CACNA1C: variants seen among roughly 807,000 people sequenced by gnomAD.
The protein encoded by CACNA1C is calcium voltage-gated channel subunit alpha1 C, also known as voltage-dependent L-type calcium channel subunit alpha-1C.
Under a neutral mutation model 229.0 loss-of-function variants are expected in CACNA1C, and 30 were observed. The observed-to-expected ratio is 0.13, with a 90% CI of 0.10 to 0.18. The LOEUF is 0.18. CACNA1C is among the 10% of genes least tolerant of loss of function. The pLI, the probability that CACNA1C is intolerant of heterozygous loss-of-function variation, is 1.00. For synonymous variants in CACNA1C, 1,114 were observed against 1,132.5 expected, an observed-to-expected ratio of 0.98 and a Z score of 0.33; for missense variants, 1,658 against 2,845.0, an observed-to-expected ratio of 0.58 and a Z score of 9.49.
At chr12:2,289,917 A>C (rs1366610211) in intron 3 of CACNA1C, among the ~76,000 whole-genome samples, 1 of 152,214 alleles carries the variant, frequency 6.6e-6, no homozygotes, top group Non-Finnish European at 1.5e-5. Flanking sequence ...TTGGAGGATC[A>C]CCTGGCCTAA....
intron 5 of CACNA1C, among the ~76,000 whole-genome samples, chr12:2,470,245 C>T (rs1434589688): frequency 6.6e-6 from 1 of 152,178 alleles, no homozygotes; most frequent in East Asian, 1.9e-4. Context: ...TCACAAGAGA[C>T]AAGAGGGCTT....
chr12:2,489,063 G>A (rs1179089171), intron 6 of CACNA1C, among the ~76,000 whole-genome samples: 2 of 152,180 alleles, frequency 1.3e-5, no homozygotes, highest in Non-Finnish European at 2.9e-5. Context: ...GTGTTTTGGA[G>A]AGTTTTATAT....
chr12:2,617,234 C>G (rs1000073411), intron 29 of CACNA1C, among the ~76,000 whole-genome samples: 5 of 152,182 alleles, frequency 3.3e-5, no homozygotes, highest in African/African-American at 1.2e-4. Flanking sequence ...AGTCGGTAGC[C>G]TGGTGAATGA....
chr12:2,633,487 C>T lies in CACNA1C; in HGVS notation c.3829-810C>T, dbSNP rs549728553. On this transcript the variant is annotated intron_variant, in intron 29 of 46. Coordinates refer to ENST00000399655, the MANE Select transcript of CACNA1C (RefSeq NM_000719.7). The surrounding 1 kb of genome is among the most constrained non-coding windows in gnomAD (Gnocchi z 5.8). ...CTCCTTCCTTGCTGGTGCTCCTGGG[C>T]TCCTGGCCATGGTGAGGGCGTCCGG... The T allele has an allele frequency of 3.1e-5, 21 of 671,692 alleles. No homozygotes were observed. The highest frequency in any genetic ancestry group is 4.8e-5 in the Non-Finnish European group (18 of 372,566). 41.6% of individuals were successfully genotyped at this position (671,692 alleles called of 1,614,324 possible). A position where few individuals can be genotyped will look rare whatever the true frequency, so the allele number is the denominator to read the frequency against.
Position 2,549,968 on chromosome 12 carries a change from G to A in CACNA1C, c.1416G>A (p.Glu472=). 6.2e-7 allele frequency: 1 copy of A among 1,606,638 alleles called. No homozygotes were observed. The highest frequency in any genetic ancestry group is 8.5e-7 in the Non-Finnish European group (1 of 1,176,630). The change falls in exon 10 of 47, where the codon GAG becomes GAA. Residue 472 remains glutamate, a synonymous_variant. Coordinates refer to ENST00000399655, the MANE Select transcript of CACNA1C (RefSeq NM_000719.7). ...TGAGCATGCCCACCAGTGAGACCGA[G>A]TCCGTCAACACCGAAAACGTGGCTG... ...RNMSMPTSET[E]SVNTENVAGG...
chr12:2,160,607 T>G (rs1342809970), intron 3 of CACNA1C, among the ~76,000 whole-genome samples: 1 of 152,116 alleles, frequency 6.6e-6, no homozygotes, highest in Non-Finnish European at 1.5e-5. Context: ...CTATGACCCA[T>G]CATCACAGTA....
chr12:1,994,152 T>C (rs1485986157), intron 1 of CACNA1C, among the ~76,000 whole-genome samples: 1 of 152,218 alleles, frequency 6.6e-6, no homozygotes, highest in East Asian at 1.9e-4. Context: ...AACAACTACA[T>C]GTGCATTCAT....
intron 2 of CACNA1C, among the ~76,000 whole-genome samples, chr12:2,116,108 T>C (rs2083730802): frequency 6.6e-6 from 1 of 152,146 alleles, no homozygotes; most frequent in African/African-American, 2.4e-5. Flanking sequence ...TAGAGTCTCC[T>C]GGAAAGTTAT....
intron 29 of CACNA1C, among the ~76,000 whole-genome samples, chr12:2,624,640 T>A (rs2085257999): frequency 6.6e-6 from 1 of 152,240 alleles, no homozygotes; most frequent in Non-Finnish European, 1.5e-5. Flanking sequence ...GCTCTTCTTT[T>A]TGGAATAGTC....
At chr12:2,326,144 G>A (rs1014101329) in intron 3 of CACNA1C, among the ~76,000 whole-genome samples, 1 of 152,126 alleles carries the variant, frequency 6.6e-6, no homozygotes, top group Admixed American at 6.5e-5. Context: ...GACTAAAGGA[G>A]GCAGGGAGAG....
chr12:2,187,823 G>A (rs779512578), intron 3 of CACNA1C, among the ~76,000 whole-genome samples: 9 of 152,244 alleles, frequency 5.9e-5, no homozygotes, highest in Non-Finnish European at 1.2e-4. Context: ...CCTCATGCCT[G>A]CAGCAGAAGG....
At chr12:2,623,214 C>T (rs551375687) in intron 29 of CACNA1C, among the ~76,000 whole-genome samples, 5 of 152,260 alleles carry the variant, frequency 3.3e-5, no homozygotes, top group East Asian at 1.9e-4. Flanking sequence ...GATTGGGTCA[C>T]GTTCAAACAT....
intron 3 of CACNA1C, among the ~76,000 whole-genome samples, chr12:2,301,984 G>A (rs1319831222): frequency 6.6e-6 from 1 of 152,182 alleles, no homozygotes; most frequent in Non-Finnish European, 1.5e-5. Context: ...GATTGTTTCT[G>A]GTTCAGTAAT....
chr12:2,201,234 A>G (rs887836222), intron 3 of CACNA1C, among the ~76,000 whole-genome samples: 1 of 152,218 alleles, frequency 6.6e-6, no homozygotes, highest in Non-Finnish European at 1.5e-5. Context: ...AGAAGGGCAC[A>G]GAGAAGGTGG....
At chr12:2,333,514 C>T (rs943306788) in intron 3 of CACNA1C, among the ~76,000 whole-genome samples, 1 of 152,208 alleles carries the variant, frequency 6.6e-6, no homozygotes, top group African/African-American at 2.4e-5. Context: ...CCACAGTGGC[C>T]TAAGGGGAAG....
chr12:2,669,286 G>A (rs1165113547), intron 38 of CACNA1C, among the ~76,000 whole-genome samples: 2 of 151,978 alleles, frequency 1.3e-5, no homozygotes, highest in East Asian at 3.9e-4. Context: ...GGCCACATTG[G>A]AAGAATTGTC....
intron 3 of CACNA1C, among the ~76,000 whole-genome samples, chr12:2,443,823 G>A (rs10848656): frequency 0.07 from 10,651 of 152,212 alleles, 443 homozygotes; most frequent in South Asian, 0.11. Flanking sequence ...ACAGCACAAC[G>A]TATGTTTTGA....
intron 3 of CACNA1C, among the ~76,000 whole-genome samples, chr12:2,293,219 G>A (rs2093686378): frequency 6.6e-6 from 1 of 152,208 alleles, no homozygotes; most frequent in African/African-American, 2.4e-5. Flanking sequence ...AAAAGCAAAA[G>A]AAATGGGCTC....
intron 1 of CACNA1C, among the ~76,000 whole-genome samples, chr12:2,039,097 C>T (rs1283942516): frequency 6.6e-6 from 1 of 152,146 alleles, no homozygotes; most frequent in Non-Finnish European, 1.5e-5. Flanking sequence ...CAACAGACAG[C>T]CCTTTGCAAA....
Sources: allele counts gnomAD v4.1 joint callset (sites outside exome capture counted in the v4.1 genomes callset), GRCh38; gene constraint gnomAD v4.1.1; non-coding constraint Gnocchi (gnomAD v3.1); transcripts MANE v1.5; gene names NCBI Gene and HGNC (gene_info 2026-07-23, HGNC 2026-07-21).